Variants in UGT1A7 observed in about 807,000 individuals in gnomAD.
UGT1A7 encodes UDP-glucuronosyltransferase 1A7.
A neutral mutation model predicts 45.6 loss-of-function variants in UGT1A7; 33 were observed. That is an observed-to-expected ratio of 0.72 (90% CI 0.55 to 0.97). UGT1A7 has a LOEUF of 0.97. Among genes scored for constraint, UGT1A7 ranks in the 50% least tolerant of loss-of-function variants. The pLI is 0.00. For missense variants in UGT1A7, 684 were observed against 666.2 expected (o/e 1.03, Z -0.29); for synonymous variants, 274 against 250.6 (o/e 1.09, Z -0.88).
rs753668254 is a variant in UGT1A7 at position 233,760,974 on chromosome 2, G to A, written c.856-6060G>A. On this transcript the variant is annotated intron_variant, in intron 1 of 4. Coordinates refer to ENST00000373426, the MANE Select transcript of UGT1A7 (RefSeq NM_019077.3). ...TTCTGTGCGACGTGGTTTATTCCCC[G>A]TATGCAACCCTTGCCTCAGAATTCC... 78 of 1,614,002 alleles carry A rather than the reference G, an allele frequency of 4.8e-5. No individual in the cohort carries two copies. Among genetic ancestry groups the A allele is most frequent in the Admixed American group, 2.5e-4 (15 of 59,996 alleles).
At chr2:233,694,929 A>T (rs1032290740) in intron 1 of UGT1A7, among the ~76,000 whole-genome samples, 2 of 152,240 alleles carry the variant, frequency 1.3e-5, no homozygotes, top group African/African-American at 4.8e-5. Context: ...CGATGATCAA[A>T]TCAGGGTAAT....
chr2:233,750,115 A>G (rs996940371), intron 1 of UGT1A7, among the ~76,000 whole-genome samples: 2 of 151,884 alleles, frequency 1.3e-5, no homozygotes, highest in Non-Finnish European at 1.5e-5. Context: ...AGAAGACAGG[A>G]AGATGTGGGA....
Position 233,769,415 on chromosome 2 carries a change from G to A in UGT1A7, c.1295+976G>A. On this transcript the variant is annotated intron_variant, in intron 4 of 4. Coordinates refer to ENST00000373426, the MANE Select transcript of UGT1A7 (RefSeq NM_019077.3). This position sits in a 1 kb window ranked among gnomAD's most constrained non-coding sequence, Gnocchi z 4.4. Reference sequence around the variant, plus strand: ...TGTGTGCATATGTGCGTGTGCGTTTGTGCATGTGGCTGTGCTCATGTGTGG... The same window carrying A: ...TGTGTGCATATGTGCGTGTGCGTTTATGCATGTGGCTGTGCTCATGTGTGG... The A allele has an allele frequency of 1.4e-6, 2 of 1,401,966 alleles. No homozygotes were observed. Among genetic ancestry groups the A allele is most frequent in the Non-Finnish European group, 2.0e-6 (2 of 1,003,386 alleles). The allele number at this position is 1,401,966 out of a possible 1,614,324, so 86.8% of individuals were successfully genotyped here.
At chr2:233,713,375 T>C in intron 1 of UGT1A7, 1 of 1,614,192 alleles carries the variant, frequency 6.2e-7, no homozygotes, top group Non-Finnish European at 8.5e-7. Flanking sequence ...ATAGGTCTTG[T>C]GTGGAGCTAC....
chr2:233,755,067 T>G, intron 1 of UGT1A7: 1 of 1,335,754 alleles, frequency 7.5e-7, no homozygotes, highest in Non-Finnish European at 1.0e-6. Context: ...CGCCTCGCCA[T>G]AGCGGTCATA....
At chr2:233,728,018 G>A (rs774114702) in intron 1 of UGT1A7, among the ~76,000 whole-genome samples, 4 of 152,350 alleles carry the variant, frequency 2.6e-5, no homozygotes, top group Non-Finnish European at 5.9e-5. Context: ...ACATGTGGGA[G>A]TGACTTTCTG....
At chr2:233,756,441 T>C (rs1696218483) in intron 1 of UGT1A7, 1 of 152,178 alleles carries the variant, frequency 6.6e-6, no homozygotes, top group African/African-American at 2.4e-5. Flanking sequence ...TCATTGTTGT[T>C]CCCCCCAAAT....
At chr2:233,732,759 T>C (rs1404130009) in intron 1 of UGT1A7, among the ~76,000 whole-genome samples, 2 of 151,674 alleles carry the variant, frequency 1.3e-5, no homozygotes, top group Non-Finnish European at 2.9e-5. Context: ...AGCTTTGTTT[T>C]TTTTTTTTTT....
chr2:233,747,214 A>T, intron 1 of UGT1A7: 1 of 1,605,452 alleles, frequency 6.2e-7, no homozygotes, highest in Non-Finnish European at 8.5e-7. Flanking sequence ...TTCTGCTGAG[A>T]TGGCCACAGG....
At chr2:233,767,258 C>A in intron 2 of UGT1A7, 93 bp downstream of exon 2, 1 of 1,592,782 alleles carries the variant, frequency 6.3e-7, no homozygotes, top group Non-Finnish European at 8.5e-7. Flanking sequence ...TTAATTGGAA[C>A]CTTAGATTTG....
chr2:233,746,436 G>A (rs1200457799), intron 1 of UGT1A7, among the ~76,000 whole-genome samples: 2 of 151,690 alleles, frequency 1.3e-5, no homozygotes, highest in African/African-American at 4.9e-5. Flanking sequence ...TATGTCTTCA[G>A]CTTAAAAAGA....
chr2:233,718,197 C>T (rs1417853211), intron 1 of UGT1A7, among the ~76,000 whole-genome samples: 5 of 152,036 alleles, frequency 3.3e-5, no homozygotes, highest in South Asian at 4.1e-4. Context: ...CTCCCCGGAG[C>T]TTTTTTTTAT....
intron 1 of UGT1A7, chr2:233,719,790 T>C (rs189931898): frequency 6.2e-7 from 1 of 1,608,848 alleles, no homozygotes; most frequent in East Asian, 2.2e-5. Flanking sequence ...TTTCCAAAGA[T>C]TTTATTTTGG....
rs1699273514 is a variant in UGT1A7, at chr2:233,766,902, T to A, written c.856-132T>A. Reference sequence around the variant, plus strand: ...CTGTAAAACTTACATATTAATAATTTTTTACTCTATCTCAAACACGCATGC... The same window carrying A: ...CTGTAAAACTTACATATTAATAATTATTTACTCTATCTCAAACACGCATGC... On this transcript the variant is annotated intron_variant, in intron 1 of 4. Coordinates refer to ENST00000373426, the MANE Select transcript of UGT1A7 (RefSeq NM_019077.3). 3.3e-6 allele frequency: 5 copies of A among 1,493,272 alleles called. No individual in the cohort carries two copies. The South Asian group carries it at 6.7e-5, about 20-fold the overall frequency. The allele number at this position is 1,493,272 out of a possible 1,614,324, so 92.5% of individuals were successfully genotyped here.
intron 1 of UGT1A7, among the ~76,000 whole-genome samples, chr2:233,716,574 A>G (rs2076512452): frequency 6.6e-6 from 1 of 152,190 alleles, no homozygotes; most frequent in Admixed American, 6.5e-5. Context: ...TTTAAAAACA[A>G]TACTTTCAAA....
At chr2:233,705,031 G>T (rs10929285) in intron 1 of UGT1A7, among the ~76,000 whole-genome samples, 31,843 of 151,910 alleles carry the variant, frequency 0.21, 3,984 homozygotes, top group East Asian at 0.45. Flanking sequence ...AGCTACTCGG[G>T]AGGCTGAGGC....
At chr2:233,729,155 C>A in intron 1 of UGT1A7, 1 of 1,613,596 alleles carries the variant, frequency 6.2e-7, no homozygotes, top group Non-Finnish European at 8.5e-7. Flanking sequence ...GTTCCCCTGC[C>A]GTGGCTGGCC....
At chr2:233,712,361 C>T (rs1434368620) in intron 1 of UGT1A7, among the ~76,000 whole-genome samples, 1 of 152,174 alleles carries the variant, frequency 6.6e-6, no homozygotes, top group Non-Finnish European at 1.5e-5. Flanking sequence ...CTCAGCCTCC[C>T]TGCAGCTTTT....
intron 1 of UGT1A7, among the ~76,000 whole-genome samples, chr2:233,687,728 C>A (rs985451430): frequency 6.6e-5 from 10 of 151,756 alleles, no homozygotes; most frequent in Non-Finnish European, 8.8e-5. Context: ...CATAGGGAGA[C>A]ACTGTCTCTA....
Sources: allele counts gnomAD v4.1 joint callset (sites outside exome capture counted in the v4.1 genomes callset), GRCh38; gene constraint gnomAD v4.1.1; non-coding constraint Gnocchi (gnomAD v3.1); transcripts MANE v1.5; gene names NCBI Gene and HGNC (gene_info 2026-07-23, HGNC 2026-07-21).